Variants in STK10 observed in about 807,000 individuals in gnomAD.
The protein encoded by STK10 is serine/threonine kinase 10.
A neutral mutation model predicts 113.8 loss-of-function variants in STK10; 78 were observed. The observed-to-expected ratio is 0.69, with a 90% CI of 0.57 to 0.83. The LOEUF (loss-of-function observed/expected upper bound fraction) is 0.83, where lower values mean the gene tolerates loss of function less well. Ranked by LOEUF, STK10 falls within the 40% of genes least tolerant of loss-of-function variation. The probability of loss-of-function intolerance (pLI) is 0.00; values close to 1 mark genes in which losing one functional copy is unlikely to be tolerated. For missense variants in STK10, 1,109 were observed against 1,280.1 expected (o/e 0.87, Z 2.04); for synonymous variants, 465 against 494.7 (o/e 0.94, Z 0.80).
intron 2 of STK10, among the ~76,000 whole-genome samples, chr5:172,132,946 C>A (rs1204031896): frequency 2.0e-5 from 3 of 152,146 alleles, no homozygotes; most frequent in Non-Finnish European, 4.4e-5. Context: ...CATTAACCTG[C>A]CTTAGAGCTA....
In STK10 at chr5:172,188,126, G is replaced by A. The variant is rs1770995164; in HGVS notation, c.-84C>T. 6.6e-7 allele frequency: 1 copy of A among 1,526,056 alleles called. No homozygotes were observed. The highest frequency in any genetic ancestry group is 8.8e-7 in the Non-Finnish European group (1 of 1,136,518). 94.5% of individuals were successfully genotyped at this position (1,526,056 alleles called of 1,614,324 possible). ...GCGGCCGCGAGGAGAAGGAGGAGGA[G>A]TTGGAGGACGCCGCGTCTCTCGGGG... On this transcript the variant is annotated 5_prime_UTR_variant, in exon 1 of 19. Transcript: ENST00000176763. This position sits in a 1 kb window ranked among gnomAD's most constrained non-coding sequence, Gnocchi z 5.6.
At chr5:172,105,519 G>A (rs1769080209) in intron 7 of STK10, 137 bp downstream of exon 7, 2 of 896,162 alleles carry the variant, frequency 2.2e-6, no homozygotes, top group Non-Finnish European at 3.5e-6. Context: ...GAGGTGCCTG[G>A]GGAATACCCG....
At position 172,078,002 on chromosome 5, in the gene STK10, C is replaced by T. The variant is rs1461527048; in HGVS notation, c.1989+4324G>A. On this transcript the variant is annotated intron_variant, in intron 12 of 18. Transcript: ENST00000176763. ...GCTGCTCACCTGGTGGGGGGGGTCT[C>T]GTCCCTTCTAATTCTGTCCATCACC... 2.0e-5 allele frequency among the ~76,000 whole-genome samples: 3 copies of T among 152,228 alleles called. No homozygotes were observed. In the East Asian group the frequency reaches 5.8e-4, roughly 29 times the overall value.
In STK10 at chr5:172,106,659, G is replaced by C; in HGVS notation, c.749C>G (p.Ala250Gly). ...LNPMRVLLKIAKSDPPTLLTP... is the reference protein window; with the variant it reads ...LNPMRVLLKIGKSDPPTLLTP... ...GAGCAGCGTGGGAGGGTCCGACTTG[G>C]CGATCTTTAGCAGGACCCGCATGGG... Residue 250 changes from alanine (A) to glycine (G), a missense_variant, in exon 6 of 19, where the codon GCC becomes GGC. Physicochemically the swap from Ala to Gly is moderately conservative, Grantham distance 60. This residue lies in a region of STK10 where 885 missense variants were observed against 991.1 expected (regional missense o/e 0.89). Coordinates refer to ENST00000176763, the MANE Select transcript of STK10 (RefSeq NM_005990.4). The C allele has an allele frequency of 6.2e-7, 1 of 1,613,542 alleles. No individual in the cohort carries two copies. Among genetic ancestry groups the C allele is most frequent in the Non-Finnish European group, 8.5e-7 (1 of 1,180,024 alleles).
Position 172,082,307 on chromosome 5 carries a change from C to T in STK10, c.1989+19G>A, listed in dbSNP as rs1768450847. The T allele has an allele frequency of 6.6e-7, 1 of 1,508,664 alleles. No individual in the cohort carries two copies. The allele number at this position is 1,508,664 out of a possible 1,614,324, so 93.5% of individuals were successfully genotyped here. On this transcript the variant is annotated intron_variant, in intron 12 of 18. Coordinates refer to ENST00000176763, the MANE Select transcript of STK10 (RefSeq NM_005990.4). The surrounding 1 kb of genome is among the most constrained non-coding windows in gnomAD (Gnocchi z 4.3). ...CTAATACTCCGAGATGCCCCTGCCCCCACTGAGCACATACTCACCTCTTTC... is the reference window on the plus strand; with the variant it reads ...CTAATACTCCGAGATGCCCCTGCCCTCACTGAGCACATACTCACCTCTTTC...
rs181138101 is a variant in STK10 at position 172,071,851 on chromosome 5, A to G, written c.1990-7039T>C. ...TTTTCCTTTTGCAATAAATCACTCT[A>G]TGCTGCATCTCCTTTGCTGTGTGTC... On this transcript the variant is annotated intron_variant, in intron 12 of 18. Transcript: ENST00000176763. 3.5e-4 allele frequency among the ~76,000 whole-genome samples: 53 copies of G among 152,274 alleles called. No homozygotes were observed. The East Asian group carries it at 4.0e-3, about 12-fold the overall frequency.
At chr5:172,172,423 G>T (rs17074396) in intron 1 of STK10, among the ~76,000 whole-genome samples, 1 of 152,142 alleles carries the variant, frequency 6.6e-6, no homozygotes, top group Non-Finnish European at 1.5e-5. Flanking sequence ...AGCTATACCC[G>T]TGTTCCACCA....
intron 6 of STK10, among the ~76,000 whole-genome samples, chr5:172,106,363 C>T (rs181773654): frequency 8.0e-6 from 1 of 125,728 alleles, no homozygotes; most frequent in Non-Finnish European, 1.6e-5. Context: ...GACTGCACCA[C>T]TGTACTCCAG....
intron 16 of STK10, among the ~76,000 whole-genome samples, chr5:172,055,145 T>G (rs372924934): frequency 6.6e-6 from 1 of 151,420 alleles, no homozygotes; most frequent in Non-Finnish European, 1.5e-5. Context: ...AGGGCACGCA[T>G]GGTGACTCGC....
At chr5:172,123,384 C>T (rs915554687) in intron 3 of STK10, among the ~76,000 whole-genome samples, 55 of 152,318 alleles carry the variant, frequency 3.6e-4, no homozygotes, top group African/African-American at 7.9e-4. Flanking sequence ...GTCAGGACCA[C>T]GAGGAGAACT....
chr5:172,089,912 G>A (rs1768657813), intron 10 of STK10, among the ~76,000 whole-genome samples: 1 of 151,956 alleles, frequency 6.6e-6, no homozygotes. Context: ...TGGATGGAAA[G>A]TTGAGTGGGT....
intron 2 of STK10, among the ~76,000 whole-genome samples, chr5:172,135,695 T>C (rs1769841698): frequency 1.3e-5 from 2 of 152,026 alleles, no homozygotes; most frequent in Admixed American, 6.6e-5. Flanking sequence ...TACATATAGA[T>C]CCAAAAGAAT....
At chr5:172,096,400 C>T (rs763574261) in intron 8 of STK10, 26 bp downstream of exon 8, 49 of 1,608,266 alleles carry the variant, frequency 3.0e-5, no homozygotes, top group South Asian at 2.7e-4. Flanking sequence ...CCAGCCCCCG[C>T]TAAGCCCCAC....
At chr5:172,057,793 T>C (rs1266933343) in intron 14 of STK10, among the ~76,000 whole-genome samples, 1 of 152,200 alleles carries the variant, frequency 6.6e-6, no homozygotes, top group Non-Finnish European at 1.5e-5. Context: ...AGAGGTTCTC[T>C]AGGCATCAGC....
chr5:172,086,846 A>G (rs953189400), intron 10 of STK10, among the ~76,000 whole-genome samples: 1 of 152,154 alleles, frequency 6.6e-6, no homozygotes, highest in Non-Finnish European at 1.5e-5. Flanking sequence ...TTTGACCCTG[A>G]GTAGCACACA....
At chr5:172,045,715 A>G (rs1346994691) in intron 18 of STK10, among the ~76,000 whole-genome samples, 1 of 151,968 alleles carries the variant, frequency 6.6e-6, no homozygotes, top group African/African-American at 2.4e-5. Flanking sequence ...TTTGAGACAG[A>G]GTTTTGCTCT....
At chr5:172,076,655 C>T (rs1027229218) in intron 12 of STK10, among the ~76,000 whole-genome samples, 2 of 152,172 alleles carry the variant, frequency 1.3e-5, no homozygotes, top group South Asian at 2.1e-4. Context: ...AAATAGTCCC[C>T]GGTTGAGGAT....
At chr5:172,163,409 T>C (rs1770506173) in intron 1 of STK10, among the ~76,000 whole-genome samples, 1 of 152,138 alleles carries the variant, frequency 6.6e-6, no homozygotes, top group African/African-American at 2.4e-5. Context: ...TCTATCTCCC[T>C]TTGCTAAAGA....
chr5:172,046,637 C>A (rs1473898679), intron 18 of STK10, among the ~76,000 whole-genome samples: 4 of 152,190 alleles, frequency 2.6e-5, no homozygotes, highest in Admixed American at 2.0e-4. Flanking sequence ...ATATATTTCT[C>A]AATACAACCT....
Sources: gnomAD v4.1 joint callset for allele counts (sites outside exome capture counted in the v4.1 genomes callset) on GRCh38, gnomAD v4.1.1 for gene constraint, gnomAD v4.1.1 regional missense constraint, Gnocchi (gnomAD v3.1) non-coding constraint, MANE v1.5 for transcripts, NCBI Gene and HGNC (gene_info 2026-07-23, HGNC 2026-07-21) for gene names.